Variants in GREB1 observed in about 807,000 individuals in gnomAD.
GREB1 encodes the protein growth regulating estrogen receptor binding 1.
A neutral mutation model predicts 200.7 loss-of-function variants in GREB1; 106 were observed. That is an observed-to-expected ratio of 0.53 (90% CI 0.45 to 0.62). The LOEUF (loss-of-function observed/expected upper bound fraction) is 0.62, where lower values mean the gene tolerates loss of function less well. Among genes scored for constraint, GREB1 ranks in the 20% least tolerant of loss-of-function variants. The pLI is 0.00. For synonymous variants in GREB1, 1,132 were observed against 1,092.4 expected, an observed-to-expected ratio of 1.04 and a Z score of -0.72; for missense variants, 2,243 against 2,556.8, an observed-to-expected ratio of 0.88 and a Z score of 2.65.
intron 22 of GREB1, 80 bp downstream of exon 22, chr2:11,618,999 T>TGAA: frequency 3.1e-6 from 4 of 1,283,586 alleles, no homozygotes; most frequent in Non-Finnish European, 4.2e-6. Context: ...GGCCTGGGGG[T>TGAA]GACCGCACCC....
Position 11,541,968 on chromosome 2 carries a change from C to T in GREB1, c.-162+7714C>T, listed in dbSNP as rs149188195. Among the ~76,000 whole-genome samples the T allele has an allele frequency of 5.1e-3, 781 of 152,126 alleles. 4 individuals carry two copies. Among genetic ancestry groups the T allele is most frequent in the Middle Eastern group, 0.031 (9 of 294 alleles). ...TGATGACTGAGCCTTCCATGAGGCC[C>T]GCCAAGACTGACCTGATAGAATTTT... On this transcript the variant is annotated intron_variant, in intron 1 of 32. Coordinates refer to ENST00000381486, the MANE Select transcript of GREB1 (RefSeq NM_014668.4).
chr2:11,536,123 A>G (rs1417502953), intron 1 of GREB1, among the ~76,000 whole-genome samples: 1 of 152,194 alleles, frequency 6.6e-6, no homozygotes, highest in Non-Finnish European at 1.5e-5. Context: ...CATACACAGG[A>G]GTGGTGGGGA....
chr2:11,642,560 C>T lies in GREB1; in HGVS notation c.*2106C>T, dbSNP rs778213833. On this transcript the variant is annotated 3_prime_UTR_variant, in exon 33 of 33. Transcript: ENST00000381486. ...TCTTTTTTTCCTAAGAAAAAAAGTC[C>T]GCGAGTATTAAATATTTAGATCAAT... 7.2e-5 allele frequency: 11 copies of T among 152,102 alleles called. No homozygotes were observed. The highest frequency in any genetic ancestry group is 5.9e-4 in the Admixed American group (9 of 15,276). 9.4% of individuals were successfully genotyped at this position (152,102 alleles called of 1,614,324 possible).
chr2:11,578,535 G>C, intron 6 of GREB1, 104 bp downstream of exon 6: 1 of 1,215,458 alleles, frequency 8.2e-7, no homozygotes, highest in East Asian at 2.5e-5. Flanking sequence ...AAATAAATCA[G>C]GGGGCTGTTA....
At chr2:11,519,408 C>T (rs1207206192) in intron 1 of GREB1, among the ~76,000 whole-genome samples, 2 of 148,772 alleles carry the variant, frequency 1.3e-5, no homozygotes, top group East Asian at 3.9e-4. Context: ...CCTGTAATTT[C>T]CTGGTCTTAG....
chr2:11,521,768 A>G lies in GREB1; in HGVS notation c.-158-34689A>G, dbSNP rs544835566. ...TTGCAAAATGCTAATAACGCAAACC[A>G]TTTCTGGTTGGCTACTTTGTGCCGT... On this transcript the variant is annotated intron_variant, in intron 1 of 2. Coordinates refer to the GREB1 transcript ENST00000628795. 2.0e-5 allele frequency among the ~76,000 whole-genome samples: 3 copies of G among 152,290 alleles called. No homozygotes were observed. In the South Asian group the frequency reaches 6.2e-4, roughly 32 times the overall value.
At chr2:11,607,320 G>A (rs1334410648) in intron 17 of GREB1, among the ~76,000 whole-genome samples, 2 of 151,622 alleles carry the variant, frequency 1.3e-5, no homozygotes, top group Non-Finnish European at 1.5e-5. Context: ...CTCCTGCCTT[G>A]GCCTCCCAAA....
intron 2 of GREB1, among the ~76,000 whole-genome samples, chr2:11,560,695 C>G (rs1676930267): frequency 6.8e-6 from 1 of 147,150 alleles, no homozygotes; most frequent in African/African-American, 2.7e-5. Context: ...GAAAGAAACT[C>G]CATCTCAAAA....
At chr2:11,621,114 A>G in intron 23 of GREB1, 107 bp downstream of exon 23, 2 of 743,960 alleles carry the variant, frequency 2.7e-6, no homozygotes, top group East Asian at 2.5e-5. Flanking sequence ...CAGATTCATG[A>G]TCAGACTCAT....
chr2:11,556,894 T>A, intron 2 of GREB1, 123 bp downstream of exon 2: 1 of 742,026 alleles, frequency 1.3e-6, no homozygotes, highest in Non-Finnish European at 2.0e-6. Flanking sequence ...AAAGAATTAT[T>A]AGAAAAAGAA....
At chr2:11,586,940 G>A (rs1241321702) in intron 9 of GREB1, among the ~76,000 whole-genome samples, 2 of 152,132 alleles carry the variant, frequency 1.3e-5, no homozygotes, top group Non-Finnish European at 2.9e-5. Context: ...TGGCGTGTCT[G>A]TGGTAGGCCC....
intron 7 of GREB1, among the ~76,000 whole-genome samples, chr2:11,581,892 AG>A (rs1213874575): frequency 6.6e-6 from 1 of 152,162 alleles, no homozygotes; most frequent in Non-Finnish European, 1.5e-5. Flanking sequence ...TCTTCACTGA[AG>A]GGGCAAAGGT....
intron 1 of GREB1, among the ~76,000 whole-genome samples, chr2:11,495,956 CG>C (rs986116427): frequency 6.6e-6 from 1 of 152,060 alleles, no homozygotes; most frequent in African/African-American, 2.4e-5. Context: ...ACGGCAACCC[CG>C]TTTTCCAGGT....
At chr2:11,550,907 G>A (rs1675755746) in intron 1 of GREB1, among the ~76,000 whole-genome samples, 1 of 152,012 alleles carries the variant, frequency 6.6e-6, no homozygotes, top group African/African-American at 2.4e-5. Context: ...TCCTTTCTTT[G>A]TCCCCGCCTT....
chr2:11,565,464 C>T (rs1677531880), intron 3 of GREB1, among the ~76,000 whole-genome samples: 1 of 152,302 alleles, frequency 6.6e-6, no homozygotes, highest in African/African-American at 2.4e-5. Flanking sequence ...AAGGCCTTGG[C>T]TCGTCAGGAC....
chr2:11,511,166 C>G (rs115063230), intron 1 of GREB1, among the ~76,000 whole-genome samples: 2 of 152,148 alleles, frequency 1.3e-5, no homozygotes, highest in African/African-American at 4.8e-5. Flanking sequence ...AAGAACGAAG[C>G]TTTTTCCTGG....
rs1215714337 is a variant in GREB1, at chr2:11,484,599, AAAAAAAAAAG to A, written c.-159+2222_-159+2231del. Among the ~76,000 whole-genome samples, 17 of 151,500 alleles carry A rather than the reference AAAAAAAAAAG, an allele frequency of 1.1e-4. 1 individual carries two copies. Among genetic ancestry groups the A allele is most frequent in the African/African-American group, 4.1e-4 (17 of 41,244 alleles). The stretch of plus-strand genomic sequence containing the variant: ...CTCTCATCTCTTAAAAAACAAAAAA[AAAAAAAAAAG>A]AAAGAAAGAAAAAGAAAGAAAAAAA... On this transcript the variant is annotated intron_variant, in intron 1 of 2. Coordinates refer to the GREB1 transcript ENST00000628795.
intron 14 of GREB1, 57 bp downstream of exon 14, chr2:11,598,035 C>G: frequency 1.6e-6 from 2 of 1,250,202 alleles, no homozygotes; most frequent in Non-Finnish European, 2.4e-6. Flanking sequence ...TGCCGAAATC[C>G]ATGTGTGGGT....
intron 1 of GREB1, among the ~76,000 whole-genome samples, chr2:11,495,758 T>C (rs1253994300): frequency 6.6e-6 from 1 of 151,352 alleles, no homozygotes; most frequent in African/African-American, 2.4e-5. Flanking sequence ...CCTCCGCCTA[T>C]ACTAGTCCGT....
Sources: allele counts gnomAD v4.1 joint callset (sites outside exome capture counted in the v4.1 genomes callset), GRCh38; gene constraint gnomAD v4.1.1; transcripts MANE v1.5; gene names NCBI Gene and HGNC (gene_info 2026-07-23, HGNC 2026-07-21).